Variants in SOX6 observed in about 807,000 individuals in gnomAD.
The protein encoded by SOX6 is SRY-box transcription factor 6, also known as transcription factor SOX-6.
Under a neutral mutation model 97.8 loss-of-function variants are expected in SOX6, and 11 were observed. The ratio of observed to expected loss-of-function variants is 0.11; its 90% CI spans 0.07 to 0.19. The LOEUF (loss-of-function observed/expected upper bound fraction) is 0.19, where lower values mean the gene tolerates loss of function less well. Among genes scored for constraint, SOX6 ranks in the 10% least tolerant of loss-of-function variants. The pLI is 1.00. For synonymous variants in SOX6, 360 were observed against 371.4 expected (o/e 0.97, Z 0.35); for missense variants, 810 against 1,039.5 (o/e 0.78, Z 3.04).
chr11:16,364,965 A>C (rs1857313910), intron 1 of SOX6, among the ~76,000 whole-genome samples: 1 of 152,148 alleles, frequency 6.6e-6, no homozygotes, highest in Non-Finnish European at 1.5e-5. Flanking sequence ...ACATACTTTT[A>C]TCTCGGCCAT....
chr11:16,070,660 T>C (rs765256833), intron 9 of SOX6, among the ~76,000 whole-genome samples: 1 of 151,822 alleles, frequency 6.6e-6, no homozygotes, highest in Non-Finnish European at 1.5e-5. Flanking sequence ...CAGTATCCAT[T>C]AAGGCAACAG....
intron 4 of SOX6, among the ~76,000 whole-genome samples, chr11:16,556,453 G>A (rs1001837220): frequency 9.2e-5 from 14 of 151,544 alleles, no homozygotes; most frequent in African/African-American, 3.4e-4. Context: ...TCGTCCCTTG[G>A]CCCAAATATT....
chr11:16,399,833 T>G (rs1025087050), intron 1 of SOX6, among the ~76,000 whole-genome samples: 1 of 151,418 alleles, frequency 6.6e-6, no homozygotes, highest in African/African-American at 2.4e-5. Flanking sequence ...ACATTTGACT[T>G]TATCCAACAT....
At chr11:16,450,334 C>T (rs1014833722) in intron 1 of SOX6, among the ~76,000 whole-genome samples, 2 of 152,176 alleles carry the variant, frequency 1.3e-5, no homozygotes, top group Non-Finnish European at 2.9e-5. Context: ...TGGAAGCATG[C>T]ATTAACAAAT....
chr11:16,570,255 T>C (rs779207023), intron 4 of SOX6, among the ~76,000 whole-genome samples: 1 of 152,288 alleles, frequency 6.6e-6, no homozygotes, highest in South Asian at 2.1e-4. Flanking sequence ...CAGAGATGCA[T>C]GGTAATTATT....
chr11:16,645,666 A>C (rs944404346), intron 3 of SOX6, among the ~76,000 whole-genome samples: 2 of 152,230 alleles, frequency 1.3e-5, no homozygotes, highest in Non-Finnish European at 2.9e-5. Context: ...CAACAAAGGC[A>C]GAGATTGGGA....
At chr11:16,373,844 G>A (rs867783035) in intron 1 of SOX6, among the ~76,000 whole-genome samples, 1 of 23,884 alleles carries the variant, frequency 4.2e-5, no homozygotes, top group Non-Finnish European at 9.8e-5. Context: ...AGGAAGGAAG[G>A]AAGGAAGGAA....
intron 3 of SOX6, among the ~76,000 whole-genome samples, chr11:16,711,614 C>T (rs1848181458): frequency 6.6e-6 from 1 of 152,204 alleles, no homozygotes; most frequent in African/African-American, 2.4e-5. Flanking sequence ...GATCTAAAAG[C>T]TCTGCCTATC....
chr11:16,685,542 T>C (rs1253339005), intron 3 of SOX6, among the ~76,000 whole-genome samples: 2 of 152,262 alleles, frequency 1.3e-5, no homozygotes, highest in Non-Finnish European at 2.9e-5. Flanking sequence ...TCTGACTCCA[T>C]GTCCCACATC....
intron 3 of SOX6, among the ~76,000 whole-genome samples, chr11:16,684,126 T>C (rs1847950591): frequency 6.6e-6 from 1 of 152,150 alleles, no homozygotes; most frequent in Non-Finnish European, 1.5e-5. Context: ...GGGAAGCTTT[T>C]ACACTGTGGG....
At chr11:16,536,657 T>C (rs897508408) in intron 4 of SOX6, among the ~76,000 whole-genome samples, 3 of 152,224 alleles carry the variant, frequency 2.0e-5, no homozygotes, top group African/African-American at 4.8e-5. Flanking sequence ...CCCTCCCATG[T>C]GTGGCTCGGC....
intron 6 of SOX6, among the ~76,000 whole-genome samples, chr11:16,173,164 T>C (rs1356380130): frequency 1.3e-5 from 2 of 151,922 alleles, no homozygotes; most frequent in African/African-American, 4.8e-5. Flanking sequence ...CATAGAAAAG[T>C]GAAGTTAGGC....
intron 4 of SOX6, among the ~76,000 whole-genome samples, chr11:16,552,171 A>C (rs1354916165): frequency 6.6e-6 from 1 of 152,172 alleles, no homozygotes; most frequent in African/African-American, 2.4e-5. Context: ...GCCCCCAAAA[A>C]AATTAGTACT....
chr11:16,416,109 C>A (rs1301091265), intron 1 of SOX6, among the ~76,000 whole-genome samples: 4 of 152,162 alleles, frequency 2.6e-5, no homozygotes, highest in Admixed American at 2.0e-4. Flanking sequence ...GCTAATAGAG[C>A]ACTAGAGACA....
At chr11:15,994,451 G>A (rs1324655950) in intron 13 of SOX6, among the ~76,000 whole-genome samples, 5 of 119,626 alleles carry the variant, frequency 4.2e-5, no homozygotes, top group Admixed American at 1.9e-4. Context: ...AAAAAAAAAA[G>A]GGGAGTATAA....
chr11:16,621,582 A>G (rs1437272480), intron 3 of SOX6, among the ~76,000 whole-genome samples: 1 of 152,220 alleles, frequency 6.6e-6, no homozygotes, highest in Admixed American at 6.5e-5. Flanking sequence ...ATAGTTTTGT[A>G]TTCATTGGCT....
Position 16,534,556 on chromosome 11 carries a change from G to A in SOX6, n.610-58168C>T, listed in dbSNP as rs1861279686. Among the ~76,000 whole-genome samples the A allele has an allele frequency of 1.3e-5, 2 of 152,032 alleles. 1 individual carries two copies. The highest frequency in any genetic ancestry group is 4.1e-4 in the South Asian group (2 of 4,828). ...AAATGGATTTAGTTTCAAAAGTTTGGAATGTACTTTCCCATAGAAACAATG... is the reference window on the plus strand; with the variant it reads ...AAATGGATTTAGTTTCAAAAGTTTGAAATGTACTTTCCCATAGAAACAATG... On this transcript the variant is annotated intron_variant and non_coding_transcript_variant, in intron 4 of 5. Transcript: ENST00000524520.
chr11:16,319,487 A>G (rs1422707367), intron 2 of SOX6, among the ~76,000 whole-genome samples: 1 of 149,584 alleles, frequency 6.7e-6, no homozygotes, highest in Non-Finnish European at 1.5e-5. Context: ...TACATTGGGT[A>G]TATCTCCTAA....
chr11:16,562,729 G>A (rs7115472), intron 4 of SOX6, among the ~76,000 whole-genome samples: 17,226 of 151,972 alleles, frequency 0.11, 1,025 homozygotes, highest in Non-Finnish European at 0.14. Context: ...CACTTCTCCC[G>A]CAGAATGGTA....
Sources: allele counts gnomAD v4.1 joint callset (sites outside exome capture counted in the v4.1 genomes callset), GRCh38; gene constraint gnomAD v4.1.1; transcripts MANE v1.5; gene names NCBI Gene and HGNC (gene_info 2026-07-23, HGNC 2026-07-21).